Variants in SLC18B1 observed in about 807,000 individuals in gnomAD.
SLC18B1 encodes MFS-type transporter SLC18B1.
SLC18B1 carries 62 observed loss-of-function variants against 53.9 expected under a neutral mutation model. That is an observed-to-expected ratio of 1.15 (90% CI 0.94 to 1.42). The LOEUF is 1.42. SLC18B1 is among the 40% of genes most tolerant of loss of function. The probability of loss-of-function intolerance (pLI) is 0.00; values close to 1 mark genes in which losing one functional copy is unlikely to be tolerated. For missense variants in SLC18B1, 598 were observed against 547.3 expected (o/e 1.09, Z -0.93); for synonymous variants, 217 against 200.9 (o/e 1.08, Z -0.68).
intron 2 of SLC18B1, among the ~76,000 whole-genome samples, chr6:132,795,967 C>G (rs1488102334): frequency 6.6e-6 from 1 of 152,134 alleles, no homozygotes; most frequent in Non-Finnish European, 1.5e-5. Context: ...TATCCCAGCA[C>G]TTTGGGAGGC....
Position 132,797,064 on chromosome 6 carries a change from A to G in SLC18B1, c.101T>C (p.Val34Ala). The part of the protein sequence containing the change: ...ETPGWLSREQ[V>A]FVLISAASVN... ...CGAAGCTGCCGATATCAGTACAAAA[A>G]CCTGTTCTCTCGAAAGCCACCCGGG... The change falls in exon 2 of 14, where the codon GTT (valine) becomes GCT (alanine). Residue 34 changes from valine (V) to alanine (A), a missense_variant. Coordinates refer to ENST00000275227, the MANE Select transcript of SLC18B1 (RefSeq NM_052831.3). 6.2e-7 allele frequency: 1 copy of G among 1,614,090 alleles called. No individual in the cohort carries two copies. The highest frequency in any genetic ancestry group is 8.5e-7 in the Non-Finnish European group (1 of 1,180,018).
chr6:132,790,907 A>G (rs1056499861), intron 2 of SLC18B1, among the ~76,000 whole-genome samples: 3 of 152,284 alleles, frequency 2.0e-5, no homozygotes, highest in Admixed American at 1.3e-4. Context: ...AATTACAGTT[A>G]CTAATGTTTA....
rs555137652 is a variant in SLC18B1, at chr6:132,776,238, C to T, written c.897+90G>A. ...TCCAATTGAATATATCAAGTCTAAC[C>T]AGTGGAATCCTAGAGTTCCAAAGGA... On this transcript the variant is annotated intron_variant, in intron 8 of 13. Transcript: ENST00000275227. 8.8e-5 allele frequency: 86 copies of T among 979,924 alleles called. No individual in the cohort carries two copies. The South Asian group carries it at 1.1e-3, about 12-fold the overall frequency. 60.7% of individuals were successfully genotyped at this position (979,924 alleles called of 1,614,324 possible). A position where few individuals can be genotyped will look rare whatever the true frequency, so the allele number is the denominator to read the frequency against.
chr6:132,779,691 C>T (rs1350990957), intron 6 of SLC18B1, among the ~76,000 whole-genome samples: 2 of 152,196 alleles, frequency 1.3e-5, no homozygotes, highest in African/African-American at 4.8e-5. Flanking sequence ...CAATTATACT[C>T]ATCCTGGCCA....
At chr6:132,792,284 G>GAAGA (rs1235047820) in intron 2 of SLC18B1, among the ~76,000 whole-genome samples, 58 of 37,806 alleles carry the variant, frequency 1.5e-3, no homozygotes, top group Admixed American at 4.2e-3. Context: ...AGAAAGAAAG[G>GAAGA]AAGAAAGGAA....
At position 132,791,688 on chromosome 6, in the gene SLC18B1, AT is replaced by A. The variant is rs535718804; in HGVS notation, c.184-1417del. 2.4e-3 allele frequency among the ~76,000 whole-genome samples: 361 copies of A among 152,262 alleles called. 6 individuals are homozygous for A. Among genetic ancestry groups the A allele is most frequent in the Admixed American group, 0.021 (316 of 15,288 alleles). On this transcript the variant is annotated intron_variant, in intron 2 of 13. Transcript: ENST00000275227. ...AGGATGGGCCCACAGCTCCATGGTA[AT>A]GGCTTGGGCACGATTTAAGCCCATA...
intron 5 of SLC18B1, among the ~76,000 whole-genome samples, chr6:132,786,407 G>A (rs1056353843): frequency 2.0e-5 from 3 of 151,954 alleles, no homozygotes; most frequent in Admixed American, 6.6e-5. Flanking sequence ...AATGTAGCCG[G>A]GTGTGGTGGC....
chr6:132,774,146 C>G, intron 9 of SLC18B1, 76 bp downstream of exon 9: 1 of 976,728 alleles, frequency 1.0e-6, no homozygotes, highest in Non-Finnish European at 1.6e-6. Context: ...CTAAACTATA[C>G]CAATGTTAAA....
intron 5 of SLC18B1, among the ~76,000 whole-genome samples, 191 bp downstream of exon 5, chr6:132,787,243 A>T (rs964690859): frequency 6.6e-6 from 1 of 152,220 alleles, no homozygotes; most frequent in African/African-American, 2.4e-5. Context: ...AACCAGGAAG[A>T]GCACCTAAGT....
At chr6:132,788,806 G>C (rs1480324671) in intron 4 of SLC18B1, among the ~76,000 whole-genome samples, 1 of 139,504 alleles carries the variant, frequency 7.2e-6, no homozygotes, top group African/African-American at 2.8e-5. Flanking sequence ...CTGGGCAATA[G>C]AGTGAGACTC....
At chr6:132,780,100 C>T (rs1170359076) in intron 6 of SLC18B1, among the ~76,000 whole-genome samples, 1 of 145,690 alleles carries the variant, frequency 6.9e-6, no homozygotes, top group African/African-American at 2.5e-5. Context: ...GCTTTTTTTT[C>T]TTTTTTTTTT....
At chr6:132,776,190 A>G in intron 8 of SLC18B1, 138 bp downstream of exon 8, 1 of 664,862 alleles carries the variant, frequency 1.5e-6, no homozygotes. Flanking sequence ...GGGTGATAGA[A>G]AACACTGAAA....
intron 8 of SLC18B1, 39 bp downstream of exon 8, chr6:132,776,289 C>T: frequency 6.6e-7 from 1 of 1,512,162 alleles, no homozygotes; most frequent in Non-Finnish European, 9.2e-7. Flanking sequence ...CTGCTCTAAA[C>T]ATACAAAAGT....
chr6:132,785,897 CAAAAAAAA>C (rs71545048), intron 5 of SLC18B1, among the ~76,000 whole-genome samples: 1 of 81,180 alleles, frequency 1.2e-5, no homozygotes, highest in African/African-American at 4.4e-5. Flanking sequence ...CCTGTCTCTA[CAAAAAAAA>C]AAAAAAAAAA....
intron 7 of SLC18B1, among the ~76,000 whole-genome samples, 159 bp downstream of exon 7, chr6:132,779,109 A>T (rs749169822): frequency 1.3e-5 from 2 of 152,212 alleles, no homozygotes; most frequent in African/African-American, 4.8e-5. Flanking sequence ...TTCCTAGTTC[A>T]CAGGGACGGT....
In SLC18B1 at chr6:132,772,676, C is replaced by T. The variant is rs117440250; in HGVS notation, c.1085+317G>A. ...AGATGCTGGTCACTCTAGGCTCTCT[C>T]ATGGACCTCCTCCATGAAAGAGGAA... On this transcript the variant is annotated intron_variant, in intron 10 of 13. Coordinates refer to ENST00000275227, the MANE Select transcript of SLC18B1 (RefSeq NM_052831.3). Among the ~76,000 whole-genome samples, 502 of 152,282 alleles carry T rather than the reference C, an allele frequency of 3.3e-3. 2 individuals carry two copies. Among genetic ancestry groups the T allele is most frequent in the Non-Finnish European group, 5.2e-3 (351 of 68,022 alleles).
Position 132,786,121 on chromosome 6 carries a change from C to T in SLC18B1, c.501+1313G>A, listed in dbSNP as rs116328920. Among the ~76,000 whole-genome samples the T allele has an allele frequency of 5.4e-3, 821 of 152,194 alleles. 3 individuals are homozygous for T. Among genetic ancestry groups the T allele is most frequent in the African/African-American group, 0.019 (791 of 41,526 alleles). On this transcript the variant is annotated intron_variant, in intron 5 of 13. Transcript: ENST00000275227. ...TAAACCCTTATCTTAATGAGCATAT[C>T]AACAGACGGGTGTTCTTCTGAGCCC...
chr6:132,787,683 T>C, intron 4 of SLC18B1, 102 bp from the exon 5 acceptor site: 1 of 1,046,532 alleles, frequency 9.6e-7, no homozygotes, highest in East Asian at 3.0e-5. Flanking sequence ...TCACTCATGG[T>C]TTTTAGAATA....
chr6:132,772,177 G>A lies in SLC18B1; in HGVS notation c.1115C>T (p.Thr372Ile), dbSNP rs755814938. The A allele has an allele frequency of 4.4e-6, 7 of 1,579,876 alleles. No individual in the cohort carries two copies. In the Admixed American group the frequency reaches 5.6e-5, roughly 13 times the overall value. Residue 372 changes from threonine to isoleucine, a missense_variant, in exon 11 of 14, where the codon ACA (threonine) becomes ATA (isoleucine). Physicochemically the swap from Thr to Ile is moderately conservative, Grantham distance 89. Transcript: ENST00000275227. ...HENGFEEGLSTLGLVSGLFSA... is the reference protein window; with the variant it reads ...HENGFEEGLSILGLVSGLFSA... ...AAAAAGACCTGATACAAGTCCCAATGTACTTAATCCCTCTTCAAACCCATT... is the reference window on the plus strand; with the variant it reads ...AAAAAGACCTGATACAAGTCCCAATATACTTAATCCCTCTTCAAACCCATT...
Sources: allele counts gnomAD v4.1 joint callset (sites outside exome capture counted in the v4.1 genomes callset), GRCh38; gene constraint gnomAD v4.1.1; transcripts MANE v1.5; gene names NCBI Gene and HGNC (gene_info 2026-07-23, HGNC 2026-07-21).